The following ST8SIA1 variants were observed in gnomAD, a reference collection of about 807,000 sequenced individuals.
ST8SIA1 encodes ST8 alpha-N-acetyl-neuraminide alpha-2,8-sialyltransferase 1.
A neutral mutation model predicts 35.9 loss-of-function variants in ST8SIA1; 16 were observed. The observed-to-expected ratio is 0.45, with a 90% CI of 0.30 to 0.68. The LOEUF is 0.68. ST8SIA1 is among the 30% of genes least tolerant of loss of function. The probability of loss-of-function intolerance (pLI) is 0.09; values close to 1 mark genes in which losing one functional copy is unlikely to be tolerated. For missense variants in ST8SIA1, 383 were observed against 453.6 expected, an observed-to-expected ratio of 0.84 and a Z score of 1.41; for synonymous variants, 170 against 169.6, an observed-to-expected ratio of 1.00 and a Z score of -0.02.
intron 4 of ST8SIA1, among the ~76,000 whole-genome samples, chr12:22,240,981 T>G: frequency 6.8e-6 from 1 of 148,114 alleles, no homozygotes; most frequent in Non-Finnish European, 1.5e-5. Context: ...GCCAACTCTT[T>G]TTTTTTTTTT....
intron 1 of ST8SIA1, among the ~76,000 whole-genome samples, chr12:22,331,224 G>A (rs572004799): frequency 9.9e-5 from 15 of 152,230 alleles, no homozygotes; most frequent in Admixed American, 2.6e-4. Flanking sequence ...GAATTTAACC[G>A]TATGTTAAGT....
chr12:22,266,072 GAC>G (rs1222852947), intron 2 of ST8SIA1, among the ~76,000 whole-genome samples: 1 of 151,928 alleles, frequency 6.6e-6, no homozygotes, highest in African/African-American at 2.4e-5. Context: ...TGTTTCCTCA[GAC>G]ACAGCCTGAA....
chr12:22,270,124 T>C (rs1394257579), intron 2 of ST8SIA1, among the ~76,000 whole-genome samples: 1 of 152,192 alleles, frequency 6.6e-6, no homozygotes, highest in Non-Finnish European at 1.5e-5. Context: ...AAGGGTTAAA[T>C]TTGTAGATGT....
At chr12:22,248,520 ATAATG>A (rs1591834182) in intron 4 of ST8SIA1, among the ~76,000 whole-genome samples, 1 of 152,148 alleles carries the variant, frequency 6.6e-6, no homozygotes, top group East Asian at 1.9e-4. Context: ...TGAATATAAT[ATAATG>A]TAATGTAATA....
chr12:22,310,376 T>C (rs1296939138), intron 1 of ST8SIA1, among the ~76,000 whole-genome samples: 1 of 152,126 alleles, frequency 6.6e-6, no homozygotes, highest in Middle Eastern at 3.2e-3. Flanking sequence ...TGCACAACCT[T>C]GTGTCTATAA....
In ST8SIA1 at chr12:22,195,779, G is replaced by A. The variant is rs1229144530; in HGVS notation, c.*5773C>T. ...CAAGATTTTGTCTCTCTTTTTTTCAGTTTGGTTAAACCTTTTTTTATTACA... is the reference window on the plus strand; with the variant it reads ...CAAGATTTTGTCTCTCTTTTTTTCAATTTGGTTAAACCTTTTTTTATTACA... On this transcript the variant is annotated 3_prime_UTR_variant, in exon 5 of 5. Transcript: ENST00000396037. The A allele has an allele frequency of 2.0e-5, 3 of 151,888 alleles. No individual in the cohort carries two copies. The highest frequency in any genetic ancestry group is 7.3e-5 in the African/African-American group (3 of 41,352). 9.4% of individuals were successfully genotyped at this position (151,888 alleles called of 1,614,324 possible).
chr12:22,226,614 C>CT (rs933739759), intron 4 of ST8SIA1, among the ~76,000 whole-genome samples: 6 of 150,968 alleles, frequency 4.0e-5, no homozygotes, highest in African/African-American at 9.7e-5. Flanking sequence ...TTTCCTTCAT[C>CT]TTTTTTTTCT....
At position 22,197,069 on chromosome 12, in the gene ST8SIA1, T is replaced by A. The variant is rs1301237141; in HGVS notation, c.*4483A>T. 1 of 152,254 alleles carries A rather than the reference T, an allele frequency of 6.6e-6. No homozygotes were observed. The highest frequency in any genetic ancestry group is 2.1e-4 in the South Asian group (1 of 4,836). 9.4% of individuals were successfully genotyped at this position (152,254 alleles called of 1,614,324 possible). On this transcript the variant is annotated 3_prime_UTR_variant, in exon 5 of 5. Coordinates refer to ENST00000396037, the MANE Select transcript of ST8SIA1 (RefSeq NM_003034.4). ...CATAGTGGAATGAAGTTGCTAGTTATGTTTACTGCTGACTTTATTAGAGGT... is the reference window on the plus strand; with the variant it reads ...CATAGTGGAATGAAGTTGCTAGTTAAGTTTACTGCTGACTTTATTAGAGGT...
chr12:22,249,363 C>G (rs944932120), intron 3 of ST8SIA1, among the ~76,000 whole-genome samples: 1 of 151,842 alleles, frequency 6.6e-6, no homozygotes. Flanking sequence ...GGACTACAGG[C>G]ACCTGCCACC....
intron 4 of ST8SIA1, among the ~76,000 whole-genome samples, chr12:22,216,897 G>A (rs1468882560): frequency 6.6e-6 from 1 of 152,084 alleles, no homozygotes; most frequent in African/African-American, 2.4e-5. Context: ...GATAACATAA[G>A]AGATACTTTG....
chr12:22,319,213 A>G (rs1257001076), intron 1 of ST8SIA1, among the ~76,000 whole-genome samples: 9 of 152,226 alleles, frequency 5.9e-5, no homozygotes, highest in African/African-American at 2.2e-4. Flanking sequence ...TGGCAGACAC[A>G]AAATAAATAG....
chr12:22,286,664 G>A, intron 2 of ST8SIA1: 2 of 431,162 alleles, frequency 4.6e-6, no homozygotes, highest in Non-Finnish European at 9.0e-6. Context: ...AAGTGGTCAA[G>A]TTGAATTATT....
chr12:22,209,705 C>T (rs1426092630), intron 4 of ST8SIA1, among the ~76,000 whole-genome samples: 1 of 152,172 alleles, frequency 6.6e-6, no homozygotes, highest in Non-Finnish European at 1.5e-5. Context: ...TCATAGAAGC[C>T]TTTACTGCCA....
intron 2 of ST8SIA1, among the ~76,000 whole-genome samples, chr12:22,282,890 T>A (rs1473700978): frequency 6.6e-6 from 1 of 152,072 alleles, no homozygotes; most frequent in East Asian, 1.9e-4. Flanking sequence ...TTCTGTAGAT[T>A]ATGTAGTATA....
At position 22,326,349 on chromosome 12, in the gene ST8SIA1, A is replaced by G. The variant is rs79877719; in HGVS notation, c.236+7648T>C. The G allele has an allele frequency of 4.7e-4, 73 of 153,810 alleles. 1 individual carries two copies. The East Asian group carries it at 0.012, about 25-fold the overall frequency. The allele number at this position is 153,810 out of a possible 1,614,324, so 9.5% of individuals were successfully genotyped here. On this transcript the variant is annotated intron_variant, in intron 1 of 4. Coordinates refer to ENST00000396037, the MANE Select transcript of ST8SIA1 (RefSeq NM_003034.4). ...GCACCCTCAGCACTAACTCTGTGAA[A>G]AAAGAGCGTGTGTCACAAGGTCACA...
intron 2 of ST8SIA1, among the ~76,000 whole-genome samples, chr12:22,286,288 C>A (rs1461005804): frequency 6.6e-6 from 1 of 152,158 alleles, no homozygotes; most frequent in Non-Finnish European, 1.5e-5. Context: ...GACTTTGGAT[C>A]TGGTAGAACC....
rs1240706514 is a variant in ST8SIA1 at position 22,201,497 on chromosome 12, A to C, written c.*55T>G. The C allele has an allele frequency of 1.3e-6, 2 of 1,528,756 alleles. No homozygotes were observed. The highest frequency in any genetic ancestry group is 4.5e-5 in the East Asian group (2 of 44,314). The allele number at this position is 1,528,756 out of a possible 1,614,324, so 94.7% of individuals were successfully genotyped here. A position where few individuals can be genotyped will look rare whatever the true frequency, so the allele number is the denominator to read the frequency against. ...AACTTGACCATTCCCTCTTGGAGTC[A>C]CATAGAAAACCTAACAAAAATACCC... is the stretch of plus-strand genomic sequence containing the variant. On this transcript the variant is annotated 3_prime_UTR_variant, in exon 5 of 5. Transcript: ENST00000396037.
At chr12:22,240,921 CAT>C (rs1274027642) in intron 4 of ST8SIA1, among the ~76,000 whole-genome samples, 1 of 151,618 alleles carries the variant, frequency 6.6e-6, no homozygotes, top group Non-Finnish European at 1.5e-5. Flanking sequence ...TTAACTCCAC[CAT>C]GATTTTTACT....
chr12:22,293,083 T>C (rs762899901), intron 1 of ST8SIA1, among the ~76,000 whole-genome samples: 2 of 152,242 alleles, frequency 1.3e-5, no homozygotes, highest in Non-Finnish European at 2.9e-5. Context: ...AACAAACACT[T>C]GTCAAAATAA....
Sources: gnomAD v4.1 joint callset for allele counts (sites outside exome capture counted in the v4.1 genomes callset) on GRCh38, gnomAD v4.1.1 for gene constraint, MANE v1.5 for transcripts, NCBI Gene and HGNC (gene_info 2026-07-23, HGNC 2026-07-21) for gene names.